The following TEX36 variants were observed in gnomAD, a reference collection of about 807,000 sequenced individuals.
TEX36 encodes testis-expressed protein 36.
In TEX36, 12 loss-of-function variants were observed where a neutral mutation model predicts 13.6. The observed-to-expected ratio is 0.88, with a 90% confidence interval of 0.56 to 1.43. The LOEUF is 1.43. Ranked by LOEUF, TEX36 falls within the 40% of genes most tolerant of loss-of-function variation. TEX36 has a pLI of 0.00. For missense variants in TEX36, 224 were observed against 228.3 expected, an observed-to-expected ratio of 0.98 and a Z score of 0.12; for synonymous variants, 93 against 83.0, an observed-to-expected ratio of 1.12 and a Z score of -0.65.
chr10:125,666,891 G>T, intron 1 of TEX36: 1 of 431,536 alleles, frequency 2.3e-6, no homozygotes, highest in Non-Finnish European at 4.3e-6. Flanking sequence ...GGTATGGTTA[G>T]AGATGAAGAG....
chr10:125,645,556 T>A (rs1275798692), intron 3 of TEX36, among the ~76,000 whole-genome samples: 1 of 152,314 alleles, frequency 6.6e-6, no homozygotes, highest in East Asian at 1.9e-4. Context: ...TCAGCCTCCA[T>A]AACTGTAAGA....
downstream of TEX36, among the ~76,000 whole-genome samples, chr10:125,619,145 AAAAAAT>A (rs1204107784): frequency 2.6e-5 from 4 of 151,796 alleles, no homozygotes; most frequent in African/African-American, 9.7e-5. Context: ...AATAAAAATA[AAAAAAT>A]AAAAATAAAA....
At chr10:125,629,857 C>G (rs1180030020) in intron 3 of TEX36, among the ~76,000 whole-genome samples, 1 of 152,098 alleles carries the variant, frequency 6.6e-6, no homozygotes, top group Non-Finnish European at 1.5e-5. Context: ...AGGCCCTATT[C>G]CAGTAAGTAC....
intron 1 of TEX36, among the ~76,000 whole-genome samples, chr10:125,675,399 G>T (rs1366985100): frequency 6.6e-6 from 1 of 151,130 alleles, no homozygotes; most frequent in African/African-American, 2.4e-5. Flanking sequence ...GTCGTCTTAG[G>T]CAGCAGGCAC....
intron 3 of TEX36, among the ~76,000 whole-genome samples, chr10:125,636,468 C>A (rs558252058): frequency 3.3e-4 from 50 of 152,210 alleles, no homozygotes; most frequent in Admixed American, 7.2e-4. Context: ...CCTGCCTCGG[C>A]CTCCCAAAGT....
chr10:125,662,488 G>C (rs1043072170), intron 1 of TEX36, among the ~76,000 whole-genome samples: 1 of 152,108 alleles, frequency 6.6e-6, no homozygotes, highest in Admixed American at 6.5e-5. Flanking sequence ...GGGAGGTAAC[G>C]TCTAGGAGGG....
rs150434179 is a variant in TEX36, at chr10:125,644,284, A to G, written c.264+16737T>C. Among the ~76,000 whole-genome samples the G allele has an allele frequency of 2.1e-3, 325 of 152,338 alleles. 2 individuals carry two copies. The highest frequency in any genetic ancestry group is 7.7e-3 in the African/African-American group (319 of 41,574). On this transcript the variant is annotated intron_variant, in intron 3 of 3. Coordinates refer to the TEX36 transcript ENST00000526819. Reference sequence around the variant, plus strand: ...AGTGCAAATAGATAAGTAGACAAAAAATATAAAGGAATGCTTGAGAGCTGA... The same window carrying G: ...AGTGCAAATAGATAAGTAGACAAAAGATATAAAGGAATGCTTGAGAGCTGA...
At chr10:125,625,231 G>A (rs555850767) in intron 3 of TEX36, among the ~76,000 whole-genome samples, 1 of 152,284 alleles carries the variant, frequency 6.6e-6, no homozygotes, top group East Asian at 1.9e-4. Flanking sequence ...ATTCAGCCCT[G>A]GGTCTAAGCC....
chr10:125,610,252 C>T (rs980222783), intron 3 of TEX36, among the ~76,000 whole-genome samples: 1 of 152,196 alleles, frequency 6.6e-6, no homozygotes, highest in African/African-American at 2.4e-5. Flanking sequence ...GGAGTAGCCA[C>T]CCTTTCATTC....
intron 3 of TEX36, among the ~76,000 whole-genome samples, chr10:125,604,150 A>C (rs77602131): frequency 0.034 from 5,106 of 152,214 alleles, 302 homozygotes; most frequent in African/African-American, 0.12. Context: ...AAGAACTCTC[A>C]ATGGCAGGGT....
intron 3 of TEX36, among the ~76,000 whole-genome samples, chr10:125,608,983 A>G (rs1343114329): frequency 7.1e-6 from 1 of 141,388 alleles, no homozygotes; most frequent in Non-Finnish European, 1.5e-5. Context: ...AAAAAAAAAA[A>G]AAAAAAAAGA....
intron 3 of TEX36, among the ~76,000 whole-genome samples, chr10:125,646,712 C>A (rs889074363): frequency 2.0e-5 from 3 of 151,994 alleles, no homozygotes; most frequent in African/African-American, 7.3e-5. Context: ...TATTAAAACA[C>A]CAACATTTTA....
At chr10:125,621,648 G>C (rs1335082671) in intron 3 of TEX36, 5 of 456,000 alleles carry the variant, frequency 1.1e-5, no homozygotes, top group Admixed American at 4.7e-5. Context: ...TCTGCAAACT[G>C]GGAAAGAGAA....
chr10:125,673,513 C>A (rs1847264217), intron 1 of TEX36, among the ~76,000 whole-genome samples: 1 of 151,900 alleles, frequency 6.6e-6, no homozygotes, highest in South Asian at 2.1e-4. Flanking sequence ...GAGTTCAAGA[C>A]CAGCCTGGTC....
At chr10:125,679,009 C>A (rs1008586424) in intron 1 of TEX36, among the ~76,000 whole-genome samples, 1 of 152,036 alleles carries the variant, frequency 6.6e-6, no homozygotes, top group African/African-American at 2.4e-5. Flanking sequence ...TCTTTGGTGG[C>A]CACAGTCTGG....
intron 3 of TEX36, among the ~76,000 whole-genome samples, chr10:125,613,775 T>C (rs1846322829): frequency 6.6e-6 from 1 of 152,154 alleles, no homozygotes; most frequent in African/African-American, 2.4e-5. Flanking sequence ...GCATGATTTA[T>C]AGTCCTTTGG....
At chr10:125,625,666 TAAATATGTC>T (rs1846477962) in intron 3 of TEX36, among the ~76,000 whole-genome samples, 1 of 152,196 alleles carries the variant, frequency 6.6e-6, no homozygotes, top group African/African-American at 2.4e-5. Flanking sequence ...TATAGAACCA[TAAATATGTC>T]ATACGTGTTC....
chr10:125,673,418 T>G (rs1468524905), intron 1 of TEX36, among the ~76,000 whole-genome samples: 1 of 152,154 alleles, frequency 6.6e-6, no homozygotes, highest in Admixed American at 6.5e-5. Context: ...ATTTTTTGCT[T>G]TAAGAATGTT....
chr10:125,601,509 G>T (rs1041507088), intron 3 of TEX36, among the ~76,000 whole-genome samples: 1 of 152,254 alleles, frequency 6.6e-6, no homozygotes, highest in Non-Finnish European at 1.5e-5. Flanking sequence ...CCTGCTGGGG[G>T]ATATTAGCTA....
Sources: gnomAD v4.1 joint callset for allele counts (sites outside exome capture counted in the v4.1 genomes callset) on GRCh38, gnomAD v4.1.1 for gene constraint, MANE v1.5 for transcripts, NCBI Gene and HGNC (gene_info 2026-07-23, HGNC 2026-07-21) for gene names.